The following OR11A1 variants were observed in gnomAD, a reference collection of about 807,000 sequenced individuals.
OR11A1 encodes olfactory receptor family 11 subfamily A member 1, also known as olfactory receptor 11A1.
For missense variants in OR11A1, 380 were observed against 378.2 expected, an observed-to-expected ratio of 1.00 and a Z score of -0.04; for synonymous variants, 158 against 152.2, an observed-to-expected ratio of 1.04 and a Z score of -0.28.
chr6:29,439,752 T>C, intron 1 of OR11A1: 2 of 527,042 alleles, frequency 3.8e-6, no homozygotes, highest in Non-Finnish European at 6.7e-6. Context: ...TTTAGAATGA[T>C]AGGCACTATC....
chr6:29,433,317 A>T (rs1783369972), intron 1 of OR11A1, among the ~76,000 whole-genome samples: 2 of 152,064 alleles, frequency 1.3e-5, no homozygotes, highest in South Asian at 4.1e-4. Context: ...GTAACCTTTG[A>T]CCAATATCTT....
chr6:29,452,632 A>T (rs894380738), intron 1 of OR11A1, among the ~76,000 whole-genome samples: 10 of 152,286 alleles, frequency 6.6e-5, no homozygotes, highest in South Asian at 2.1e-4. Flanking sequence ...AGAGAAAAAA[A>T]ATCTGCCAAC....
In OR11A1 at chr6:29,451,388, A is replaced by G. The variant is rs563305139; in HGVS notation, c.-389+5599T>C. Among the ~76,000 whole-genome samples the G allele has an allele frequency of 4.7e-4, 71 of 152,348 alleles. 1 individual carries two copies. The South Asian group carries it at 9.1e-3, about 20-fold the overall frequency. On this transcript the variant is annotated intron_variant, in intron 1 of 4. Transcript: ENST00000377149. ...AAACTAAAGAGCTTCTGCACAGCCAAAGAAACCATCAAGACAGTAAATAAA... is the reference window on the plus strand; with the variant it reads ...AAACTAAAGAGCTTCTGCACAGCCAGAGAAACCATCAAGACAGTAAATAAA...
At chr6:29,440,572 T>A in intron 1 of OR11A1, 1 of 1,613,940 alleles carries the variant, frequency 6.2e-7, no homozygotes, top group South Asian at 1.1e-5. Context: ...GTCCTGCAGC[T>A]GGTATGTGGA....
At chr6:29,427,968 C>T (rs1319625989) in intron 4 of OR11A1, among the ~76,000 whole-genome samples, 1 of 152,098 alleles carries the variant, frequency 6.6e-6, no homozygotes, top group East Asian at 1.9e-4. Flanking sequence ...TTCGCATAAT[C>T]ACCTCTATCA....
Position 29,426,830 on chromosome 6 carries a change from A to G in OR11A1, c.812T>C (p.Leu271Pro), listed in dbSNP as rs1782846171. ...VAPSAVHSQLLSKVFSLLYTV... is the reference protein window; with the variant it reads ...VAPSAVHSQLPSKVFSLLYTV... ...GTAGAGCAGGGAGAAGACCTTGGAGAGGAGCTGGGAATGGACAGCAGAGGG... is the reference window on the plus strand; with the variant it reads ...GTAGAGCAGGGAGAAGACCTTGGAGGGGAGCTGGGAATGGACAGCAGAGGG... The change falls in exon 5 of 5, where the codon CTC (leucine) becomes CCC (proline). Residue 271 changes from leucine (L) to proline (P), a missense_variant. Transcript: ENST00000377149. 1.2e-6 allele frequency: 2 copies of G among 1,612,698 alleles called. No individual in the cohort carries two copies. Among genetic ancestry groups the G allele is most frequent in the Non-Finnish European group, 1.7e-6 (2 of 1,179,892 alleles).
At position 29,425,967 on chromosome 6, in the gene OR11A1, C is replaced by G. The variant is rs1782767613; in HGVS notation, c.*727G>C. 1 of 151,942 alleles carries G rather than the reference C, an allele frequency of 6.6e-6. No homozygotes were observed. The highest frequency in any genetic ancestry group is 2.4e-5 in the African/African-American group (1 of 41,438). 9.4% of individuals were successfully genotyped at this position (151,942 alleles called of 1,614,324 possible). A position where few individuals can be genotyped will look rare whatever the true frequency, so the allele number is the denominator to read the frequency against. On this transcript the variant is annotated 3_prime_UTR_variant, in exon 5 of 5. Coordinates refer to ENST00000377149, the MANE Select transcript of OR11A1 (RefSeq NM_001394828.1). ...ATCATGTTTAGCCATACGATGAAGC[C>G]CAGAAGAATAAAGAAATAGATGCTT...
intron 1 of OR11A1, chr6:29,440,369 C>G: frequency 1.2e-6 from 2 of 1,614,130 alleles, no homozygotes; most frequent in South Asian, 1.1e-5. Context: ...CAGCCATGGC[C>G]TATGACCGCT....
chr6:29,437,776 A>G (rs983835570), intron 1 of OR11A1, among the ~76,000 whole-genome samples: 1 of 152,252 alleles, frequency 6.6e-6, no homozygotes, highest in Admixed American at 6.5e-5. Context: ...AATCCAAATT[A>G]TTCTACTCCA....
At chr6:29,456,058 C>T (rs539367646) in intron 1 of OR11A1, among the ~76,000 whole-genome samples, 1 of 151,428 alleles carries the variant, frequency 6.6e-6, no homozygotes, top group South Asian at 2.1e-4. Context: ...GGTGAAACAC[C>T]GTCTCTACTA....
intron 1 of OR11A1, among the ~76,000 whole-genome samples, chr6:29,452,915 A>C (rs1266545243): frequency 1.3e-5 from 2 of 152,024 alleles, no homozygotes; most frequent in Admixed American, 6.6e-5. Context: ...AAGTCTAAAA[A>C]TAATGATAAT....
At chr6:29,440,020 G>C in intron 1 of OR11A1, 1 of 1,612,488 alleles carries the variant, frequency 6.2e-7, no homozygotes, top group Non-Finnish European at 8.5e-7. Context: ...GGCAGGATGA[G>C]TGCAAACACC....
chr6:29,432,001 G>A lies in OR11A1; in HGVS notation c.-388-14C>T, dbSNP rs1019627951. The A allele has an allele frequency of 1.0e-6, 1 of 985,272 alleles. No homozygotes were observed. Among genetic ancestry groups the A allele is most frequent in the Non-Finnish European group, 1.2e-6 (1 of 829,882 alleles). 61.0% of individuals were successfully genotyped at this position (985,272 alleles called of 1,614,324 possible). ...CTTGAGCTCAACCTGAAGTAACGTA[G>A]AACATTGATTACAAATGTCACCCTT... is the stretch of plus-strand genomic sequence containing the variant. On this transcript the variant is annotated splice_polypyrimidine_tract_variant and intron_variant, in intron 1 of 4. Transcript: ENST00000377149.
At chr6:29,445,154 C>A (rs1784609233) in intron 1 of OR11A1, among the ~76,000 whole-genome samples, 1 of 152,124 alleles carries the variant, frequency 6.6e-6, no homozygotes, top group Non-Finnish European at 1.5e-5. Flanking sequence ...TTACAGGAGC[C>A]TACCACCATG....
chr6:29,443,860 T>C (rs979355987), intron 1 of OR11A1, among the ~76,000 whole-genome samples: 2 of 152,134 alleles, frequency 1.3e-5, no homozygotes, highest in Non-Finnish European at 2.9e-5. Context: ...TTGTTGTTGT[T>C]CTATTCTACC....
At chr6:29,430,604 CT>C (rs1234407993) in intron 2 of OR11A1, among the ~76,000 whole-genome samples, 179 bp from the exon 3 acceptor site, 1 of 152,022 alleles carries the variant, frequency 6.6e-6, no homozygotes, top group East Asian at 1.9e-4. Context: ...TAAGTGGGAG[CT>C]AAATAATGTG....
At position 29,432,002 on chromosome 6, in the gene OR11A1, A is replaced by G; in HGVS notation, c.-388-15T>C. The G allele has an allele frequency of 1.0e-6, 1 of 985,362 alleles. No homozygotes were observed. Among genetic ancestry groups the G allele is most frequent in the Non-Finnish European group, 1.2e-6 (1 of 829,918 alleles). The allele number at this position is 985,362 out of a possible 1,614,324, so 61.0% of individuals were successfully genotyped here. ...TTGAGCTCAACCTGAAGTAACGTAG[A>G]ACATTGATTACAAATGTCACCCTTG... On this transcript the variant is annotated splice_polypyrimidine_tract_variant and intron_variant, in intron 1 of 4. Transcript: ENST00000377149.
At chr6:29,429,750 C>T (rs550971051) in intron 3 of OR11A1, among the ~76,000 whole-genome samples, 13 of 151,982 alleles carry the variant, frequency 8.6e-5, no homozygotes, top group Non-Finnish European at 1.6e-4. Flanking sequence ...ACAATCCCCT[C>T]GATTCTGAAG....
At chr6:29,435,221 AAG>A (rs1444049411) in intron 1 of OR11A1, among the ~76,000 whole-genome samples, 1 of 152,220 alleles carries the variant, frequency 6.6e-6, no homozygotes, top group Non-Finnish European at 1.5e-5. Context: ...ACAAAATAAA[AAG>A]AGTCAGTCAG....
Sources: gnomAD v4.1 joint callset for allele counts (sites outside exome capture counted in the v4.1 genomes callset) on GRCh38, gnomAD v4.1.1 for gene constraint, MANE v1.5 for transcripts, NCBI Gene and HGNC (gene_info 2026-07-23, HGNC 2026-07-21) for gene names.